The following DDR2 variants were observed in gnomAD, a reference collection of about 807,000 sequenced individuals.
The protein encoded by DDR2 is discoidin domain receptor tyrosine kinase 2.
A neutral mutation model predicts 94.9 loss-of-function variants in DDR2; 27 were observed. The observed-to-expected ratio is 0.28, with a 90% CI of 0.21 to 0.39. The LOEUF is 0.39. DDR2 is among the 10% of genes least tolerant of loss of function. The pLI is 1.00. For missense variants in DDR2, 783 were observed against 1,076.0 expected (o/e 0.73, Z 3.81); for synonymous variants, 382 against 377.2 (o/e 1.01, Z -0.15).
At chr1:162,643,264 C>T (rs575829442) in intron 1 of DDR2, among the ~76,000 whole-genome samples, 1 of 152,084 alleles carries the variant, frequency 6.6e-6, no homozygotes, top group African/African-American at 2.4e-5. Context: ...GAAAGTTCCA[C>T]CTCTAGGTTT....
chr1:162,699,304 C>T (rs189296715), intron 2 of DDR2, among the ~76,000 whole-genome samples: 84 of 152,328 alleles, frequency 5.5e-4, no homozygotes, highest in Non-Finnish European at 1.1e-3. Context: ...TTAATAATAT[C>T]GTCTAAAGGA....
At chr1:162,647,010 T>C (rs1657444529) in intron 1 of DDR2, among the ~76,000 whole-genome samples, 1 of 152,186 alleles carries the variant, frequency 6.6e-6, no homozygotes, top group South Asian at 2.1e-4. Context: ...AAAGAATGAA[T>C]GAAGGGGCAA....
intron 3 of DDR2, among the ~76,000 whole-genome samples, chr1:162,731,114 CA>C (rs1366426511): frequency 6.6e-6 from 1 of 152,116 alleles, no homozygotes; most frequent in South Asian, 2.1e-4. Context: ...TTAGCTCTTC[CA>C]GTTACTTTTA....
chr1:162,726,183 G>T (rs2102046032), intron 3 of DDR2, among the ~76,000 whole-genome samples: 1 of 152,290 alleles, frequency 6.6e-6, no homozygotes, highest in South Asian at 2.1e-4. Flanking sequence ...TGGAACTTCT[G>T]TCCTCTTCCT....
intron 9 of DDR2, among the ~76,000 whole-genome samples, chr1:162,765,740 A>C (rs1297428336): frequency 6.7e-6 from 1 of 149,722 alleles, no homozygotes; most frequent in Non-Finnish European, 1.5e-5. Flanking sequence ...AGCCCTTTGA[A>C]TCACTGTTTC....
At chr1:162,761,551 T>C in intron 9 of DDR2, 97 bp downstream of exon 9, 1 of 1,588,424 alleles carries the variant, frequency 6.3e-7, no homozygotes, top group South Asian at 1.1e-5. Context: ...CTGAGAGGAG[T>C]GGGATTGTAC....
intron 13 of DDR2, chr1:162,772,577 T>C (rs1647284003): frequency 2.7e-6 from 1 of 370,812 alleles, no homozygotes; most frequent in Non-Finnish European, 5.2e-6. Context: ...TCATCTTTTA[T>C]GAACTGTCCA....
intron 2 of DDR2, among the ~76,000 whole-genome samples, chr1:162,674,908 C>A (rs1192901866): frequency 6.6e-6 from 1 of 152,044 alleles, no homozygotes; most frequent in Non-Finnish European, 1.5e-5. Context: ...AATCCCAGCA[C>A]TTTGAGGGGC....
chr1:162,727,502 A>G (rs937565489), intron 3 of DDR2, among the ~76,000 whole-genome samples: 1 of 146,618 alleles, frequency 6.8e-6, no homozygotes, highest in Non-Finnish European at 1.5e-5. Context: ...ATCTATATAT[A>G]GAGTTAAAAA....
chr1:162,750,180 T>A (rs539579542), intron 3 of DDR2, among the ~76,000 whole-genome samples: 7 of 152,140 alleles, frequency 4.6e-5, no homozygotes, highest in Non-Finnish European at 8.8e-5. Context: ...GGGTATTTAA[T>A]TAGGAAAAGA....
chr1:162,748,423 A>G (rs545814198), intron 3 of DDR2, among the ~76,000 whole-genome samples: 1 of 152,378 alleles, frequency 6.6e-6, no homozygotes, highest in South Asian at 2.1e-4. Flanking sequence ...CATAATGGTA[A>G]AGGGATCAAT....
intron 2 of DDR2, among the ~76,000 whole-genome samples, chr1:162,710,065 CT>C (rs1303062606): frequency 6.6e-6 from 1 of 152,164 alleles, no homozygotes; most frequent in Admixed American, 6.5e-5. Context: ...CATTCTGCCC[CT>C]GGAAGAGGGA....
At chr1:162,664,124 A>G (rs1039378865) in intron 2 of DDR2, among the ~76,000 whole-genome samples, 1 of 152,310 alleles carries the variant, frequency 6.6e-6, no homozygotes, top group East Asian at 1.9e-4. Context: ...TAGACATTCA[A>G]TTTAATCTGG....
chr1:162,692,674 A>T lies in DDR2; in HGVS notation c.-27-26363A>T, dbSNP rs552335794. 2.0e-5 allele frequency among the ~76,000 whole-genome samples: 3 copies of T among 152,242 alleles called. 1 individual carries two copies. In the South Asian group the frequency reaches 6.2e-4, roughly 32 times the overall value. On this transcript the variant is annotated intron_variant, in intron 2 of 17. Transcript: ENST00000367921. The stretch of plus-strand genomic sequence containing the variant: ...TGTTGAAGACTTGAAAGAGTGGGAA[A>T]TAATGTATACTGCTGGTAAGAATCA...
In DDR2 at chr1:162,780,898, A is replaced by C. The variant is rs1298810843; in HGVS notation, c.*652A>C. On this transcript the variant is annotated 3_prime_UTR_variant, in exon 18 of 18. Transcript: ENST00000367921. ...AGGATTGAAGTTCATATATGAAACA[A>C]CTGGGGATGTAGATAGGAAAGAATG... 2 of 152,726 alleles carry C rather than the reference A, an allele frequency of 1.3e-5. No individual in the cohort carries two copies. The highest frequency in any genetic ancestry group is 2.9e-5 in the Non-Finnish European group (2 of 68,466). The allele number at this position is 152,726 out of a possible 1,614,324, so 9.5% of individuals were successfully genotyped here.
rs371937013 is a variant in DDR2, at chr1:162,739,197, G to A, written c.83-13898G>A. Among the ~76,000 whole-genome samples the A allele has an allele frequency of 2.8e-3, 402 of 141,238 alleles. 3 individuals carry two copies. Among genetic ancestry groups the A allele is most frequent in the South Asian group, 9.0e-3 (36 of 4,000 alleles). The allele number at this position is 141,238 out of a possible 152,430, so 92.7% of individuals were successfully genotyped here. A position where few individuals can be genotyped will look rare whatever the true frequency, so the allele number is the denominator to read the frequency against. On this transcript the variant is annotated intron_variant, in intron 3 of 17. Coordinates refer to ENST00000367921, the MANE Select transcript of DDR2 (RefSeq NM_006182.4). ...ACCTACAACATGGGAGAAAATTTTC[G>A]CAACCTACTCATCTGACAAAGGGCT...
intron 1 of DDR2, among the ~76,000 whole-genome samples, chr1:162,646,701 C>CATTG (rs1444789812): frequency 6.6e-6 from 1 of 152,186 alleles, no homozygotes; most frequent in East Asian, 1.9e-4. Flanking sequence ...CTGTCTTTTC[C>CATTG]ATTGGGCCAG....
intron 2 of DDR2, among the ~76,000 whole-genome samples, chr1:162,692,616 G>A (rs1284077671): frequency 1.3e-5 from 2 of 152,208 alleles, no homozygotes; most frequent in Non-Finnish European, 2.9e-5. Flanking sequence ...CACTAAAGTG[G>A]CTGAAACCAA....
chr1:162,695,856 C>T (rs1317956333), intron 2 of DDR2, among the ~76,000 whole-genome samples: 1 of 152,098 alleles, frequency 6.6e-6, no homozygotes, highest in Non-Finnish European at 1.5e-5. Flanking sequence ...ACCATCATTC[C>T]CATTTAACAG....
Sources: allele counts gnomAD v4.1 joint callset (sites outside exome capture counted in the v4.1 genomes callset), GRCh38; gene constraint gnomAD v4.1.1; transcripts MANE v1.5; gene names NCBI Gene and HGNC (gene_info 2026-07-23, HGNC 2026-07-21).